PTPRN2: variants seen among roughly 807,000 people sequenced by gnomAD.
PTPRN2 encodes protein tyrosine phosphatase receptor type N2, also known as receptor-type tyrosine-protein phosphatase N2.
In PTPRN2, 74 loss-of-function variants were observed where a neutral mutation model predicts 118.8. That is an observed-to-expected ratio of 0.62 (90% confidence interval 0.52 to 0.76). The LOEUF (loss-of-function observed/expected upper bound fraction) is 0.76. PTPRN2 is among the 30% of genes least tolerant of loss of function. The probability of loss-of-function intolerance (pLI) is 0.00; values close to 1 mark genes in which losing one functional copy is unlikely to be tolerated. For missense variants in PTPRN2, 1,481 were observed against 1,394.4 expected (o/e 1.06, Z -0.99); for synonymous variants, 641 against 608.0 (o/e 1.05, Z -0.80).
rs1016829953 is a variant in PTPRN2, at chr7:157,764,322, C to G, written c.1789-81385G>C. On this transcript the variant is annotated intron_variant, in intron 12 of 22. Coordinates refer to ENST00000389418, the MANE Select transcript of PTPRN2 (RefSeq NM_002847.5). This position sits in a 1 kb window ranked among gnomAD's most constrained non-coding sequence, Gnocchi z 4.5. ...CGCTCACAGAAGCCAAGAGGTGAGG[C>G]CACCCAAGCGTCCACCAATGGAAGA... Among the ~76,000 whole-genome samples the G allele has an allele frequency of 6.6e-6, 1 of 152,182 alleles. No individual in the cohort carries two copies. The highest frequency in any genetic ancestry group is 1.5e-5 in the Non-Finnish European group (1 of 68,044).
At chr7:157,699,175 A>G (rs187661743) in intron 12 of PTPRN2, among the ~76,000 whole-genome samples, 1 of 152,368 alleles carries the variant, frequency 6.6e-6, no homozygotes, top group African/African-American at 2.4e-5. Context: ...TCACAATTAT[A>G]TAACTTAGCC....
At chr7:158,279,996 G>A (rs1288369450) in intron 3 of PTPRN2, among the ~76,000 whole-genome samples, 16 of 147,790 alleles carry the variant, frequency 1.1e-4, no homozygotes, top group African/African-American at 3.5e-4. Context: ...CGGCCCCCAC[G>A]CCCCACCGCT....
chr7:158,278,656 AC>A (rs1431924645), intron 3 of PTPRN2, among the ~76,000 whole-genome samples: 1 of 152,116 alleles, frequency 6.6e-6, no homozygotes, highest in Non-Finnish European at 1.5e-5. Flanking sequence ...GAAGCCGCGG[AC>A]CCTCGCGGTG....
At chr7:158,099,970 G>A (rs183091361) in intron 10 of PTPRN2, among the ~76,000 whole-genome samples, 1 of 150,788 alleles carries the variant, frequency 6.6e-6, no homozygotes, top group Admixed American at 6.6e-5. Context: ...TTGGGAACAG[G>A]CAGTGTTGAG....
At chr7:158,423,533 TTCC>T (rs1815438646) in intron 2 of PTPRN2, among the ~76,000 whole-genome samples, 1 of 130,234 alleles carries the variant, frequency 7.7e-6, no homozygotes, top group Non-Finnish European at 1.7e-5. Context: ...GCCCCTCTGG[TTCC>T]TCATTTTTTT....
At chr7:158,395,300 A>AGGGGTGC (rs1812279807) in intron 2 of PTPRN2, among the ~76,000 whole-genome samples, 1 of 51,354 alleles carries the variant, frequency 1.9e-5, no homozygotes. Context: ...GTGAGGGGTG[A>AGGGGTGC]GGGGCGAGGG....
intron 5 of PTPRN2, among the ~76,000 whole-genome samples, chr7:158,178,125 A>G (rs1824374648): frequency 6.6e-6 from 1 of 152,180 alleles, no homozygotes; most frequent in Admixed American, 6.5e-5. Context: ...ATAATGAGGA[A>G]TGATACTGAA....
At chr7:158,304,790 G>A (rs1801162242) in intron 3 of PTPRN2, among the ~76,000 whole-genome samples, 1 of 152,180 alleles carries the variant, frequency 6.6e-6, no homozygotes, top group East Asian at 1.9e-4. Context: ...CAGGTTGCAG[G>A]CTTCAGAGAG....
At chr7:157,915,869 G>A (rs769122928) in intron 11 of PTPRN2, among the ~76,000 whole-genome samples, 1 of 152,046 alleles carries the variant, frequency 6.6e-6, no homozygotes, top group East Asian at 1.9e-4. Flanking sequence ...TGGAATGAGG[G>A]TGAGTCCCAA....
At chr7:157,697,812 C>A (rs28547200) in intron 12 of PTPRN2, among the ~76,000 whole-genome samples, 95,612 of 110,574 alleles carry the variant, frequency 0.86, 41,822 homozygotes, top group Non-Finnish European at 0.88. Context: ...ACTGGGTCTT[C>A]GCAGAGCCCT....
chr7:158,340,999 A>T (rs1717164047), intron 2 of PTPRN2, among the ~76,000 whole-genome samples: 1 of 66,480 alleles, frequency 1.5e-5, no homozygotes, highest in African/African-American at 5.4e-5. Context: ...TCACCATAAG[A>T]GGTGAAACCT....
At chr7:157,636,104 T>C (rs1316845013) in intron 14 of PTPRN2, among the ~76,000 whole-genome samples, 1 of 152,226 alleles carries the variant, frequency 6.6e-6, no homozygotes, top group Non-Finnish European at 1.5e-5. Context: ...GCTAATCCCC[T>C]TTCATTTAAA....
At chr7:158,522,504 A>G (rs535998258) in intron 1 of PTPRN2, among the ~76,000 whole-genome samples, 1 of 151,440 alleles carries the variant, frequency 6.6e-6, no homozygotes, top group African/African-American at 2.4e-5. Context: ...AGGAAGGTCC[A>G]CGTCAGAATG....
At position 158,509,837 on chromosome 7, in the gene PTPRN2, G is replaced by A. The variant is rs934255668; in HGVS notation, c.113-20052C>T. 1.5e-4 allele frequency among the ~76,000 whole-genome samples: 23 copies of A among 152,172 alleles called. No individual in the cohort carries two copies. The highest frequency in any genetic ancestry group is 3.1e-4 in the Non-Finnish European group (21 of 68,036). On this transcript the variant is annotated intron_variant, in intron 1 of 22. Coordinates refer to ENST00000389418, the MANE Select transcript of PTPRN2 (RefSeq NM_002847.5). This position sits in a 1 kb window ranked among gnomAD's most constrained non-coding sequence, Gnocchi z 4.4. ...CAGTGCTCTGTTCCATGGCCGAGAG[G>A]GCTGTAAGTGATTTGGTGCATCTTA...
intron 12 of PTPRN2, chr7:157,854,957 GGT>G: frequency 6.1e-6 from 1 of 164,250 alleles, no homozygotes. Context: ...CCGTTGTAGG[GGT>G]GTGTGTGGGG....
At chr7:158,222,990 A>G (rs1424362073) in intron 3 of PTPRN2, among the ~76,000 whole-genome samples, 2 of 152,154 alleles carry the variant, frequency 1.3e-5, no homozygotes. Context: ...AAGCAAAGAA[A>G]CAGGGGAAGT....
chr7:157,898,582 C>A, intron 12 of PTPRN2, 91 bp downstream of exon 12: 1 of 1,293,658 alleles, frequency 7.7e-7, no homozygotes, highest in South Asian at 1.2e-5. Context: ...CTGAATTAAC[C>A]TGCAGGTCCA....
At chr7:158,305,984 G>A (rs1801258069) in intron 3 of PTPRN2, among the ~76,000 whole-genome samples, 1 of 152,060 alleles carries the variant, frequency 6.6e-6, no homozygotes, top group South Asian at 2.1e-4. Context: ...GCACAGGGTG[G>A]GGTTAGAGTG....
chr7:158,525,111 G>A lies in PTPRN2; in HGVS notation c.113-35326C>T, dbSNP rs965209173. 2.6e-5 allele frequency among the ~76,000 whole-genome samples: 4 copies of A among 152,130 alleles called. No homozygotes were observed. The highest frequency in any genetic ancestry group is 9.7e-5 in the African/African-American group (4 of 41,412). ...GAACCCTCAAGCTGGCCCTCCATGC[G>A]AAGAAATGCTGCGTCCCAGGCCCTG... On this transcript the variant is annotated intron_variant, in intron 1 of 22. Coordinates refer to ENST00000389418, the MANE Select transcript of PTPRN2 (RefSeq NM_002847.5). The surrounding 1 kb of genome is among the most constrained non-coding windows in gnomAD (Gnocchi z 4.1).
Sources: allele counts gnomAD v4.1 joint callset (sites outside exome capture counted in the v4.1 genomes callset), GRCh38; gene constraint gnomAD v4.1.1; non-coding constraint Gnocchi (gnomAD v3.1); transcripts MANE v1.5; gene names NCBI Gene and HGNC (gene_info 2026-07-23, HGNC 2026-07-21).